The following CAPN5 variants were observed in gnomAD, a reference collection of about 807,000 sequenced individuals.
The protein encoded by CAPN5 is calpain-5.
A neutral mutation model predicts 73.0 loss-of-function variants in CAPN5; 54 were observed. The ratio of observed to expected loss-of-function variants is 0.74; its 90% confidence interval spans 0.59 to 0.93. The LOEUF is 0.93. CAPN5 is among the 40% of genes least tolerant of loss of function. The pLI, the probability that CAPN5 is intolerant of heterozygous loss-of-function variation, is 0.00. For synonymous variants in CAPN5, 335 were observed against 356.9 expected, an observed-to-expected ratio of 0.94 and a Z score of 0.69; for missense variants, 785 against 882.9, an observed-to-expected ratio of 0.89 and a Z score of 1.41.
In CAPN5 at chr11:77,073,482, C is replaced by T. The variant is rs75337608; in HGVS notation, c.-36+6388C>T. 7.2e-3 allele frequency among the ~76,000 whole-genome samples: 1,090 copies of T among 152,284 alleles called. 10 individuals are homozygous for T. The highest frequency in any genetic ancestry group is 0.013 in the Non-Finnish European group (874 of 68,014). On this transcript the variant is annotated intron_variant, in intron 1 of 12. Transcript: ENST00000648180. ...GCCAGATGAAGAACAGCTGCAGGGT[C>T]AGGCCTCTGACTCAGTCAGAGACAC...
At chr11:77,075,089 G>A (rs1009871178) in intron 1 of CAPN5, among the ~76,000 whole-genome samples, 4 of 152,168 alleles carry the variant, frequency 2.6e-5, no homozygotes, top group Admixed American at 2.0e-4. Flanking sequence ...CCGCTGCTCA[G>A]CACCCTTCCA....
At chr11:77,067,926 T>G (rs1206986998) in intron 1 of CAPN5, among the ~76,000 whole-genome samples, 1 of 152,082 alleles carries the variant, frequency 6.6e-6, no homozygotes. Context: ...CCTCTCAGGA[T>G]TGCTGAGCCA....
At position 77,120,822 on chromosome 11, in the gene CAPN5, G is replaced by A. The variant is rs142336480; in HGVS notation, c.1400G>A (p.Arg467His). The change falls in exon 10 of 13, where the codon CGC becomes CAC. Residue 467 changes from arginine (R) to histidine (H), a missense_variant. By Grantham distance (29) the Arg-to-His change is conservative. Transcript: ENST00000648180. ...VFLRTDQPEGRYVIIPTTFEP... is the reference protein window; with the variant it reads ...VFLRTDQPEGHYVIIPTTFEP... Reference sequence around the variant, plus strand: ...CTGCGCACCGACCAGCCCGAGGGCCGCTATGTCATCATCCCCACAACCTTC... The same window carrying A: ...CTGCGCACCGACCAGCCCGAGGGCCACTATGTCATCATCCCCACAACCTTC... 1.1e-5 allele frequency: 18 copies of A among 1,614,022 alleles called. No homozygotes were observed. Among genetic ancestry groups the A allele is most frequent in the African/African-American group, 8.0e-5 (6 of 74,938 alleles).
At chr11:77,102,875 C>G (rs1555039117) in intron 3 of CAPN5, 2 of 1,609,100 alleles carry the variant, frequency 1.2e-6, no homozygotes, top group Admixed American at 3.3e-5. Context: ...CGCAGCTGGA[C>G]ATGCCGCTGG....
chr11:77,108,924 G>A (rs1277042624), intron 3 of CAPN5, among the ~76,000 whole-genome samples: 1 of 152,060 alleles, frequency 6.6e-6, no homozygotes, highest in Non-Finnish European at 1.5e-5. Flanking sequence ...TTTTTTCCTA[G>A]TAAATTATCT....
intron 3 of CAPN5, among the ~76,000 whole-genome samples, chr11:77,096,052 C>T (rs987597408): frequency 6.6e-6 from 1 of 151,384 alleles, no homozygotes; most frequent in Non-Finnish European, 1.5e-5. Context: ...TTCCGTCCCT[C>T]GTCCCTGTTG....
intron 2 of CAPN5, chr11:77,087,913 C>T (rs1236471604): frequency 6.5e-7 from 1 of 1,536,036 alleles, no homozygotes; most frequent in East Asian, 2.4e-5. Flanking sequence ...CCTTCACCCA[C>T]AGGCTCGCTA....
At chr11:77,096,111 G>A (rs1950206215) in intron 3 of CAPN5, among the ~76,000 whole-genome samples, 1 of 152,146 alleles carries the variant, frequency 6.6e-6, no homozygotes, top group Non-Finnish European at 1.5e-5. Flanking sequence ...CTGTTGCCCT[G>A]CAGGGCCTCC....
intron 1 of CAPN5, among the ~76,000 whole-genome samples, chr11:77,070,728 TC>T (rs1260979181): frequency 3.9e-5 from 6 of 152,134 alleles, no homozygotes; most frequent in Non-Finnish European, 8.8e-5. Flanking sequence ...AGATGAGAAG[TC>T]CCCCATGAGT....
intron 3 of CAPN5, among the ~76,000 whole-genome samples, chr11:77,105,412 G>A (rs1950334638): frequency 6.6e-6 from 1 of 152,164 alleles, no homozygotes; most frequent in Non-Finnish European, 1.5e-5. Context: ...GGTAGCCCCA[G>A]AGCTGCCTCC....
intron 1 of CAPN5, among the ~76,000 whole-genome samples, chr11:77,075,867 A>G (rs1307237554): frequency 6.6e-6 from 1 of 152,154 alleles, no homozygotes. Flanking sequence ...AAGATAGCCA[A>G]GTCCTGCTTT....
At chr11:77,097,476 T>G (rs1187454021) in intron 3 of CAPN5, among the ~76,000 whole-genome samples, 1 of 142,928 alleles carries the variant, frequency 7.0e-6, no homozygotes, top group African/African-American at 2.7e-5. Context: ...TTTTTTTTTT[T>G]TTTTTTTTTT....
chr11:77,068,213 G>A (rs1367355197), intron 1 of CAPN5, among the ~76,000 whole-genome samples: 6 of 152,152 alleles, frequency 3.9e-5, no homozygotes, highest in Non-Finnish European at 5.9e-5. Flanking sequence ...GTGGGGTGGT[G>A]TGGCTGCCTT....
chr11:77,119,294 C>A (rs996238206), intron 9 of CAPN5, 142 bp downstream of exon 9: 30 of 925,886 alleles, frequency 3.2e-5, no homozygotes, highest in African/African-American at 3.1e-4. Flanking sequence ...TGTGAGGATG[C>A]CGTGGCATGG....
intron 6 of CAPN5, 33 bp from the exon 7 acceptor site, chr11:77,116,193 C>G (rs1555041727): frequency 6.3e-7 from 1 of 1,580,770 alleles, no homozygotes; most frequent in Non-Finnish European, 8.6e-7. Context: ...TCTTAGACAG[C>G]TCCCTTTCTC....
intron 1 of CAPN5, among the ~76,000 whole-genome samples, chr11:77,080,117 C>T (rs1485483038): frequency 1.3e-5 from 2 of 152,100 alleles, no homozygotes; most frequent in Non-Finnish European, 2.9e-5. Flanking sequence ...AAATCCTTTC[C>T]CCAGTGCATT....
rs1950534142 is a variant in CAPN5 at position 77,122,651 on chromosome 11, C to T, written c.1679C>T (p.Pro560Leu). 1 of 1,613,948 alleles carries T rather than the reference C, an allele frequency of 6.2e-7. No individual in the cohort carries two copies. The highest frequency in any genetic ancestry group is 8.5e-7 in the Non-Finnish European group (1 of 1,179,944). ...RSAVQKGTSTPEYNVKGIFYR... is the reference protein window; with the variant it reads ...RSAVQKGTSTLEYNVKGIFYR... ...GCTGTGCAGAAGGGCACCTCCACACCAGAGTACAATGTGAAAGGCATCTTC... is the reference window on the plus strand; with the variant it reads ...GCTGTGCAGAAGGGCACCTCCACACTAGAGTACAATGTGAAAGGCATCTTC... The change falls in exon 12 of 13, where the codon CCA becomes CTA. Residue 560 changes from proline (P) to leucine (L), a missense_variant. Physicochemically the swap from Pro to Leu is moderately conservative, Grantham distance 98 (BLOSUM62 -3). Transcript: ENST00000648180.
At chr11:77,110,638 G>A (rs1252394513) in intron 3 of CAPN5, among the ~76,000 whole-genome samples, 2 of 152,234 alleles carry the variant, frequency 1.3e-5, no homozygotes, top group African/African-American at 4.8e-5. Context: ...AGGGGTGCTA[G>A]TGTGAGCAGC....
At chr11:77,093,921 G>C (rs985262330) in intron 3 of CAPN5, 108 bp downstream of exon 3, 107 of 1,470,980 alleles carry the variant, frequency 7.3e-5, no homozygotes, top group Admixed American at 7.2e-4. Flanking sequence ...ACTTTCAAAA[G>C]CCTGTGCCAG....
Sources: allele counts gnomAD v4.1 joint callset (sites outside exome capture counted in the v4.1 genomes callset), GRCh38; gene constraint gnomAD v4.1.1; transcripts MANE v1.5; gene names NCBI Gene and HGNC (gene_info 2026-07-23, HGNC 2026-07-21).